Variants in SIRPB2 observed in about 807,000 individuals in gnomAD.
SIRPB2 encodes the protein signal-regulatory protein beta-2.
In SIRPB2, 18 loss-of-function variants were observed where a neutral mutation model predicts 27.1. That is an observed-to-expected ratio of 0.66 (90% CI 0.46 to 0.98). The LOEUF (loss-of-function observed/expected upper bound fraction) is 0.98. SIRPB2 is among the 50% of genes least tolerant of loss of function. SIRPB2 has a pLI of 0.00. For synonymous variants in SIRPB2, 150 were observed against 164.6 expected (o/e 0.91, Z 0.68); for missense variants, 420 against 417.4 (o/e 1.01, Z -0.06).
chr20:1,473,689 C>T (rs1599997459), downstream of SIRPB2: 32 of 330,174 alleles, frequency 9.7e-5, no homozygotes, highest in South Asian at 7.4e-4. Flanking sequence ...GGAGAAGAGT[C>T]AGCTTACAGG....
intron 1 of SIRPB2, among the ~76,000 whole-genome samples, chr20:1,482,231 TGTTGG>T (rs1247775507): frequency 6.6e-6 from 1 of 152,204 alleles, no homozygotes; most frequent in African/African-American, 2.4e-5. Flanking sequence ...TATTTCTATG[TGTTGG>T]GTACATTGCA....
Position 1,491,366 on chromosome 20 carries a change from T to G in SIRPB2, c.-7A>C. 2.5e-6 allele frequency: 4 copies of G among 1,605,634 alleles called. No individual in the cohort carries two copies. The highest frequency in any genetic ancestry group is 3.4e-6 in the Non-Finnish European group (4 of 1,176,856). ...CCGACATCGTGGAGCACATGGCATC[T>G]TCTGTGGTCCCCAAGACTTGGGGCT... On this transcript the variant is annotated 5_prime_UTR_variant, in exon 1 of 5. Transcript: ENST00000359801.
In SIRPB2 at chr20:1,479,899, A is replaced by G. The variant is rs1413686506; in HGVS notation, c.252T>C (p.Ile84=). 1.9e-6 allele frequency: 3 copies of G among 1,614,112 alleles called. No individual in the cohort carries two copies. Among genetic ancestry groups the G allele is most frequent in the Non-Finnish European group, 2.5e-6 (3 of 1,180,028 alleles). ...GGAAGGAGCCACGTTTAAAGTTATAAATTTCCTGTTGGTCCTGAGTGCTCA... is the reference window on the plus strand; with the variant it reads ...GGAAGGAGCCACGTTTAAAGTTATAGATTTCCTGTTGGTCCTGAGTGCTCA... The part of the protein sequence containing the change: ...VKVSTQDQQE[I]YNFKRGSFPG... The change falls in exon 2 of 5, where the codon ATT becomes ATC. Residue 84 remains isoleucine (I), a synonymous_variant. Coordinates refer to ENST00000359801, the MANE Select transcript of SIRPB2 (RefSeq NM_001122962.2).
At chr20:1,471,860 C>T (rs889429754), downstream of SIRPB2, among the ~76,000 whole-genome samples, 3 of 152,060 alleles carry the variant, frequency 2.0e-5, no homozygotes, top group Non-Finnish European at 4.4e-5. Context: ...AGGAGAGTGG[C>T]GTGAATAGAC....
At chr20:1,482,471 T>A (rs868144991) in intron 1 of SIRPB2, among the ~76,000 whole-genome samples, 4 of 151,712 alleles carry the variant, frequency 2.6e-5, no homozygotes, top group Middle Eastern at 3.4e-3. Context: ...AGCACCTGCA[T>A]AGTTGTCTTT....
intron 1 of SIRPB2, among the ~76,000 whole-genome samples, chr20:1,487,865 T>C (rs1049463084): frequency 6.6e-5 from 10 of 152,200 alleles, no homozygotes; most frequent in Non-Finnish European, 1.5e-4. Context: ...TTTTCAACAA[T>C]GGTGCAAGAA....
At chr20:1,487,517 G>A (rs1021953503) in intron 1 of SIRPB2, among the ~76,000 whole-genome samples, 3 of 152,192 alleles carry the variant, frequency 2.0e-5, no homozygotes, top group Admixed American at 2.0e-4. Context: ...AATACCACCT[G>A]CTTTCAAGAC....
At chr20:1,476,548 C>T (rs1600001708) in intron 4 of SIRPB2, 1 of 371,808 alleles carries the variant, frequency 2.7e-6, no homozygotes, top group Middle Eastern at 1.3e-3. Flanking sequence ...CATCTGTAAT[C>T]ATCTCAGTCA....
At chr20:1,490,260 G>A (rs569394393) in intron 1 of SIRPB2, among the ~76,000 whole-genome samples, 1 of 152,316 alleles carries the variant, frequency 6.6e-6, no homozygotes, top group African/African-American at 2.4e-5. Context: ...CGGCCAATGA[G>A]TAAGGGAGCA....
At chr20:1,490,499 T>C (rs2123065151) in intron 1 of SIRPB2, among the ~76,000 whole-genome samples, 1 of 152,338 alleles carries the variant, frequency 6.6e-6, no homozygotes, top group Non-Finnish European at 1.5e-5. Flanking sequence ...CTCAAGACTC[T>C]GGAGCTAACC....
chr20:1,478,649 T>C (rs752250330), intron 2 of SIRPB2, 42 bp from the exon 3 acceptor site: 22 of 1,464,606 alleles, frequency 1.5e-5, no homozygotes, highest in Non-Finnish European at 1.7e-5. Flanking sequence ...CCCTCTCCTC[T>C]TCCATCGTTC....
At chr20:1,473,792 C>G (rs1275194173), downstream of SIRPB2, 1 of 455,914 alleles carries the variant, frequency 2.2e-6, no homozygotes, top group Non-Finnish European at 4.4e-6. Context: ...TGGGACCCAC[C>G]TCCAGTTAGT....
intron 3 of SIRPB2, 125 bp downstream of exon 3, chr20:1,478,141 G>A: frequency 1.1e-6 from 1 of 898,566 alleles, no homozygotes; most frequent in South Asian, 1.4e-5. Context: ...AGCATTCCAG[G>A]TAGAGGGAAA....
intron 1 of SIRPB2, among the ~76,000 whole-genome samples, chr20:1,490,771 T>C (rs1167226648): frequency 1.3e-5 from 2 of 152,182 alleles, no homozygotes; most frequent in African/African-American, 4.8e-5. Flanking sequence ...CTGTGCCATC[T>C]ATGTAGTCGC....
chr20:1,479,560 A>T, intron 2 of SIRPB2, 140 bp downstream of exon 2: 1 of 1,310,712 alleles, frequency 7.6e-7, no homozygotes. Flanking sequence ...GCCACATGTA[A>T]ATGTGCATGT....
At chr20:1,486,725 C>T (rs1000408719) in intron 1 of SIRPB2, among the ~76,000 whole-genome samples, 3 of 152,082 alleles carry the variant, frequency 2.0e-5, no homozygotes, top group African/African-American at 7.2e-5. Context: ...CATATACATG[C>T]ACTCATATAA....
downstream of SIRPB2, among the ~76,000 whole-genome samples, chr20:1,471,861 G>A (rs1007792312): frequency 1.8e-4 from 27 of 152,256 alleles, no homozygotes; most frequent in Middle Eastern, 3.4e-3. Flanking sequence ...GGAGAGTGGC[G>A]TGAATAGACC....
At chr20:1,479,522 C>T in intron 2 of SIRPB2, 178 bp downstream of exon 2, 1 of 961,816 alleles carries the variant, frequency 1.0e-6, no homozygotes, top group Non-Finnish European at 1.6e-6. Context: ...TGGGCTCTGG[C>T]ATGAGACATG....
At chr20:1,490,436 C>T (rs1041765557) in intron 1 of SIRPB2, among the ~76,000 whole-genome samples, 2 of 152,004 alleles carry the variant, frequency 1.3e-5, no homozygotes, top group Non-Finnish European at 2.9e-5. Flanking sequence ...AGTATCCCTG[C>T]CTGGTAGATC....
Sources: allele counts gnomAD v4.1 joint callset (sites outside exome capture counted in the v4.1 genomes callset), GRCh38; gene constraint gnomAD v4.1.1; transcripts MANE v1.5; gene names NCBI Gene and HGNC (gene_info 2026-07-23, HGNC 2026-07-21).